FRAS1: variants seen among roughly 807,000 people sequenced by gnomAD.
The protein encoded by FRAS1 is Fraser extracellular matrix complex subunit 1, also known as extracellular matrix organizing protein FRAS1.
FRAS1 carries 290 observed loss-of-function variants against 435.2 expected under a neutral mutation model. The observed-to-expected ratio is 0.67, with a 90% CI of 0.61 to 0.73. FRAS1 has a LOEUF of 0.73. Ranked by LOEUF, FRAS1 falls within the 30% of genes least tolerant of loss-of-function variation. FRAS1 has a pLI of 0.00. For synonymous variants in FRAS1, 1,800 were observed against 1,851.0 expected, an observed-to-expected ratio of 0.97 and a Z score of 0.71; for missense variants, 4,860 against 5,001.5, an observed-to-expected ratio of 0.97 and a Z score of 0.85.
chr4:78,537,129 A>G lies in FRAS1; in HGVS notation c.11227A>G (p.Ile3743Val), dbSNP rs35370270. Residue 3743 changes from isoleucine (I) to valine (V), a missense_variant, in exon 72 of 74, where the codon ATC becomes GTC. By Grantham distance (29) the Ile-to-Val change is conservative. Coordinates refer to ENST00000512123, the MANE Select transcript of FRAS1 (RefSeq NM_025074.7). ...GCCTTTCTTTGATCCCACGGGGACAATCTACAATGAAGGGCCCCAGTATGG... is the reference window on the plus strand; with the variant it reads ...GCCTTTCTTTGATCCCACGGGGACAGTCTACAATGAAGGGCCCCAGTATGG... Reference protein sequence around the residue: ...YVPFFDPTGTIYNEGPQYGCI... With the variant: ...YVPFFDPTGTVYNEGPQYGCI... The G allele has an allele frequency of 6.0e-4, 975 of 1,614,026 alleles. 7 individuals carry two copies. In the African/African-American group the frequency reaches 0.011, roughly 19 times the overall value.
intron 20 of FRAS1, among the ~76,000 whole-genome samples, chr4:78,361,212 T>G (rs1731060305): frequency 6.6e-6 from 1 of 152,230 alleles, no homozygotes; most frequent in African/African-American, 2.4e-5. Flanking sequence ...GGGATTGTGC[T>G]CCTGGCACTG....
chr4:78,307,364 G>T (rs1728798668), intron 14 of FRAS1, among the ~76,000 whole-genome samples: 1 of 152,208 alleles, frequency 6.6e-6, no homozygotes, highest in South Asian at 2.1e-4. Context: ...GAGGCAGGCA[G>T]GCCTCCTTGA....
At chr4:78,408,782 T>C (rs1733201365) in intron 31 of FRAS1, among the ~76,000 whole-genome samples, 1 of 152,054 alleles carries the variant, frequency 6.6e-6, no homozygotes, top group Admixed American at 6.5e-5. Flanking sequence ...TAAAAATTGG[T>C]CAAATACCAG....
chr4:78,271,449 T>C (rs536973350), intron 9 of FRAS1, among the ~76,000 whole-genome samples: 7 of 152,258 alleles, frequency 4.6e-5, no homozygotes, highest in Non-Finnish European at 1.0e-4. Flanking sequence ...TATCTCCTAA[T>C]GCTATCCCTC....
intron 14 of FRAS1, 64 bp from the exon 15 acceptor site, chr4:78,308,002 A>C: frequency 6.7e-7 from 1 of 1,489,672 alleles, no homozygotes; most frequent in Non-Finnish European, 9.0e-7. Flanking sequence ...AAATATTTAA[A>C]AGAAAAATGA....
intron 2 of FRAS1, among the ~76,000 whole-genome samples, chr4:78,132,706 A>G (rs1367979159): frequency 6.6e-6 from 1 of 152,202 alleles, no homozygotes; most frequent in African/African-American, 2.4e-5. Flanking sequence ...AAGAAAGAAC[A>G]AAGAAAGGAT....
intron 30 of FRAS1, among the ~76,000 whole-genome samples, chr4:78,401,586 A>C (rs1429677991): frequency 6.6e-6 from 1 of 152,142 alleles, no homozygotes; most frequent in Non-Finnish European, 1.5e-5. Flanking sequence ...GCGGAGACAG[A>C]GCATTGGAAT....
chr4:78,356,615 G>T (rs902287329), intron 20 of FRAS1, among the ~76,000 whole-genome samples: 3 of 152,118 alleles, frequency 2.0e-5, no homozygotes, highest in African/African-American at 7.2e-5. Context: ...TCAGCAGAGG[G>T]ATGTTTTTGG....
intron 2 of FRAS1, among the ~76,000 whole-genome samples, chr4:78,128,413 T>C (rs941880917): frequency 9.9e-5 from 15 of 152,222 alleles, no homozygotes; most frequent in African/African-American, 3.4e-4. Flanking sequence ...CTCCAGCACC[T>C]GTTGTTTCCT....
chr4:78,064,820 G>C (rs1283026706), intron 1 of FRAS1, among the ~76,000 whole-genome samples: 1 of 151,788 alleles, frequency 6.6e-6, no homozygotes, highest in Non-Finnish European at 1.5e-5. Context: ...GGTAAGCACT[G>C]TGGTAAAATA....
Position 78,265,065 on chromosome 4 carries a change from A to G in FRAS1, c.644A>G (p.Gln215Arg), listed in dbSNP as rs1726284554. The G allele has an allele frequency of 1.2e-6, 2 of 1,613,426 alleles. No homozygotes were observed. The highest frequency in any genetic ancestry group is 1.3e-5 in the African/African-American group (1 of 75,026). Residue 215 changes from glutamine (Q) to arginine (R), a missense_variant, in exon 7 of 74, where the codon CAG (glutamine) becomes CGG (arginine). Physicochemically the swap from Gln to Arg is conservative, Grantham distance 43. Transcript: ENST00000512123. ...CGAGTCCCTGGAAAATGTTGCCCGC[A>G]GTGCTCTGCAAGATCCTGCTCTGCA... is the stretch of plus-strand genomic sequence containing the variant. ...VVRVPGKCCP[Q>R]CSARSCSAAG...
At chr4:78,247,009 G>A (rs1725276857) in intron 4 of FRAS1, among the ~76,000 whole-genome samples, 1 of 152,094 alleles carries the variant, frequency 6.6e-6, no homozygotes, top group Non-Finnish European at 1.5e-5. Context: ...ATAAACACAG[G>A]TGAATAAAAG....
intron 9 of FRAS1, among the ~76,000 whole-genome samples, chr4:78,275,673 C>A (rs1726974972): frequency 6.6e-6 from 1 of 152,166 alleles, no homozygotes; most frequent in Non-Finnish European, 1.5e-5. Flanking sequence ...ATAGTTTCTG[C>A]CAAGAGATCA....
At chr4:78,428,622 CA>C (rs200016801) in intron 35 of FRAS1, among the ~76,000 whole-genome samples, 2,079 of 152,102 alleles carry the variant, frequency 0.014, 52 homozygotes, top group African/African-American at 0.048. Flanking sequence ...TGTGCCCGGC[CA>C]AAAGTATTCT....
chr4:78,491,242 G>A (rs1014009170), intron 59 of FRAS1, among the ~76,000 whole-genome samples: 1 of 152,140 alleles, frequency 6.6e-6, no homozygotes, highest in Non-Finnish European at 1.5e-5. Context: ...AGAGGAGCTG[G>A]TACCATTACT....
intron 8 of FRAS1, 85 bp from the exon 9 acceptor site, chr4:78,267,156 G>C: frequency 7.4e-7 from 1 of 1,348,514 alleles, no homozygotes; most frequent in Non-Finnish European, 1.0e-6. Context: ...TAGAGCTTTG[G>C]TATTTTGGGT....
chr4:78,108,509 T>G lies in FRAS1; in HGVS notation c.108+42493T>G, dbSNP rs548409127. Among the ~76,000 whole-genome samples, 144 of 95,362 alleles carry G rather than the reference T, an allele frequency of 1.5e-3. 8 individuals carry two copies. The South Asian group carries it at 0.017, about 12-fold the overall frequency. The allele number at this position is 95,362 out of a possible 152,430, so 62.6% of individuals were successfully genotyped here. ...TGCTCCTGAATGACTACTGGGTACA[T>G]AACGAAATGAAGGCAGAAATAAAGA... On this transcript the variant is annotated intron_variant, in intron 2 of 73. Transcript: ENST00000512123.
At chr4:78,075,846 G>A (rs1183095619) in intron 2 of FRAS1, among the ~76,000 whole-genome samples, 1 of 152,136 alleles carries the variant, frequency 6.6e-6, no homozygotes, top group African/African-American at 2.4e-5. Context: ...TAGGATATAG[G>A]ATCAGTATAA....
At chr4:78,125,478 G>A (rs552551513) in intron 2 of FRAS1, among the ~76,000 whole-genome samples, 32 of 152,324 alleles carry the variant, frequency 2.1e-4, no homozygotes, top group African/African-American at 7.5e-4. Context: ...GATTTGGGGT[G>A]GAGAGTTCTG....
Sources: allele counts gnomAD v4.1 joint callset (sites outside exome capture counted in the v4.1 genomes callset), GRCh38; gene constraint gnomAD v4.1.1; transcripts MANE v1.5; gene names NCBI Gene and HGNC (gene_info 2026-07-23, HGNC 2026-07-21).